The following KLHL6 variants were observed in gnomAD, a reference collection of about 807,000 sequenced individuals.
KLHL6 encodes kelch-like protein 6.
In KLHL6, 41 loss-of-function variants were observed where a neutral mutation model predicts 58.6. That is an observed-to-expected ratio of 0.70 (90% CI 0.55 to 0.91). KLHL6 has a LOEUF of 0.91. Ranked by LOEUF, KLHL6 falls within the 40% of genes least tolerant of loss-of-function variation. The probability of loss-of-function intolerance (pLI) is 0.00; values close to 1 mark genes in which losing one functional copy is unlikely to be tolerated. For synonymous variants in KLHL6, 338 were observed against 322.7 expected, an observed-to-expected ratio of 1.05 and a Z score of -0.51; for missense variants, 714 against 805.6, an observed-to-expected ratio of 0.89 and a Z score of 1.38.
At chr3:183,504,088 C>A (rs1425178145) in intron 3 of KLHL6, among the ~76,000 whole-genome samples, 1 of 152,116 alleles carries the variant, frequency 6.6e-6, no homozygotes, top group African/African-American at 2.4e-5. Context: ...CCACAAAAAC[C>A]TGAGACACAG....
rs74359933 is a variant in KLHL6, at chr3:183,549,492, C to G, written c.293+5869G>C. Among the ~76,000 whole-genome samples, 7 of 152,278 alleles carry G rather than the reference C, an allele frequency of 4.6e-5. No individual in the cohort carries two copies. In the East Asian group the frequency reaches 1.4e-3, roughly 29 times the overall value. ...AAGTTTTTTGTAACTTATTTCATGG[C>G]TAAATCCAACTTGAATGGCACTCGT... On this transcript the variant is annotated intron_variant, in intron 1 of 6. Transcript: ENST00000341319.
At chr3:183,494,367 C>T (rs1033100883) in intron 4 of KLHL6, 86 bp from the exon 5 acceptor site, 31 of 1,123,642 alleles carry the variant, frequency 2.8e-5, no homozygotes, top group Non-Finnish European at 3.6e-5. Context: ...TCCAAAAGTG[C>T]CAGGTCCCCA....
At chr3:183,534,234 C>T (rs889099997) in intron 1 of KLHL6, among the ~76,000 whole-genome samples, 1 of 142,442 alleles carries the variant, frequency 7.0e-6, no homozygotes, top group Admixed American at 7.0e-5. Flanking sequence ...AGAATCTGCT[C>T]TCAGAGACAG....
chr3:183,492,796 G>A lies in KLHL6; in HGVS notation c.1351-89C>T. The A allele has an allele frequency of 8.2e-7, 1 of 1,218,376 alleles. No individual in the cohort carries two copies. Among genetic ancestry groups the A allele is most frequent in the Non-Finnish European group, 1.2e-6 (1 of 850,784 alleles). 75.5% of individuals were successfully genotyped at this position (1,218,376 alleles called of 1,614,324 possible). On this transcript the variant is annotated intron_variant, in intron 5 of 6. Transcript: ENST00000341319. The surrounding 1 kb of genome is among the most constrained non-coding windows in gnomAD (Gnocchi z 5.9). ...CCCAGGATACAGGACAGAGCTCCGG[G>A]ACACAGAACTGGGCATCTTTTGCCT...
At chr3:183,533,150 C>G (rs75388498) in intron 1 of KLHL6, among the ~76,000 whole-genome samples, 4 of 152,124 alleles carry the variant, frequency 2.6e-5, no homozygotes, top group Non-Finnish European at 4.4e-5. Flanking sequence ...TAATTCCAAA[C>G]GCTCGGACTT....
At chr3:183,548,378 C>T (rs539442727) in intron 1 of KLHL6, among the ~76,000 whole-genome samples, 101 of 152,290 alleles carry the variant, frequency 6.6e-4, no homozygotes, top group Non-Finnish European at 7.1e-4. Context: ...TGCCCTGTCT[C>T]ATGACTGGCC....
intron 4 of KLHL6, among the ~76,000 whole-genome samples, chr3:183,494,539 G>A (rs1280438767): frequency 6.6e-6 from 1 of 152,170 alleles, no homozygotes; most frequent in Non-Finnish European, 1.5e-5. Context: ...AGAAGAGGTG[G>A]CTAAGTGAGC....
At position 183,489,612 on chromosome 3, in the gene KLHL6, T is replaced by G. The variant is rs1179343052; in HGVS notation, c.*2315A>C. 6.6e-6 allele frequency: 1 copy of G among 152,244 alleles called. No individual in the cohort carries two copies. Among genetic ancestry groups the G allele is most frequent in the Non-Finnish European group, 1.5e-5 (1 of 68,040 alleles). The allele number at this position is 152,244 out of a possible 1,614,324, so 9.4% of individuals were successfully genotyped here. On this transcript the variant is annotated 3_prime_UTR_variant, in exon 7 of 7. Coordinates refer to ENST00000341319, the MANE Select transcript of KLHL6 (RefSeq NM_130446.4). ...AGATTACACTGTTACATTGCTTCAG[T>G]TGGGAGCTTCCTGATGGTTATTATA...
At chr3:183,493,055 C>T (rs1717618737) in intron 5 of KLHL6, 1 of 247,056 alleles carries the variant, frequency 4.0e-6, no homozygotes, top group Non-Finnish European at 7.9e-6. Context: ...TTCATGTGCT[C>T]ATCCACTCGA....
At position 183,490,681 on chromosome 3, in the gene KLHL6, T is replaced by G. The variant is rs1717521292; in HGVS notation, c.*1246A>C. On this transcript the variant is annotated 3_prime_UTR_variant, in exon 7 of 7. Coordinates refer to ENST00000341319, the MANE Select transcript of KLHL6 (RefSeq NM_130446.4). ...TTAGCCAGGCGCGGTGGCAGGTGCC[T>G]GTAATCCCAGCTACTCAGGAGGCTG... 6.6e-6 allele frequency: 1 copy of G among 151,986 alleles called. No individual in the cohort carries two copies. The highest frequency in any genetic ancestry group is 1.5e-5 in the Non-Finnish European group (1 of 68,062). The allele number at this position is 151,986 out of a possible 1,614,324, so 9.4% of individuals were successfully genotyped here.
At chr3:183,497,912 C>A (rs978763786) in intron 4 of KLHL6, among the ~76,000 whole-genome samples, 2 of 152,238 alleles carry the variant, frequency 1.3e-5, no homozygotes, top group African/African-American at 4.8e-5. Context: ...CCCTATTTTA[C>A]TTTACGTGCT....
intron 2 of KLHL6, among the ~76,000 whole-genome samples, chr3:183,509,927 T>A (rs539570175): frequency 2.0e-4 from 30 of 152,362 alleles, no homozygotes; most frequent in Admixed American, 1.6e-3. Flanking sequence ...TTTATTTATA[T>A]ATCCTTTAAA....
intron 1 of KLHL6, among the ~76,000 whole-genome samples, chr3:183,550,528 C>A (rs949803444): frequency 6.6e-6 from 1 of 152,192 alleles, no homozygotes; most frequent in Non-Finnish European, 1.5e-5. Flanking sequence ...TGGTGGGTGG[C>A]TCACAGCTGT....
In KLHL6 at chr3:183,555,441, C is replaced by T. The variant is rs1560115567; in HGVS notation, c.213G>A (p.Leu71=). The change falls in exon 1 of 7, where the codon CTG becomes CTA. Residue 71 remains leucine (L), a synonymous_variant. Transcript: ENST00000341319. ...TGTCCACACACAAGATGACATCTGTCAGAGCGTTTTCCATTCGCAGGGTTT... is the reference window on the plus strand; with the variant it reads ...TGTCCACACACAAGATGACATCTGTTAGAGCGTTTTCCATTCGCAGGGTTT... The part of the protein sequence containing the change: ...GLETLRMENA[L]TDVILCVDIQ... 1.9e-5 allele frequency: 30 copies of T among 1,614,146 alleles called. No homozygotes were observed. Among genetic ancestry groups the T allele is most frequent in the Non-Finnish European group, 2.5e-5 (30 of 1,180,010 alleles).
intron 2 of KLHL6, among the ~76,000 whole-genome samples, chr3:183,510,020 C>T (rs1193312595): frequency 6.6e-6 from 1 of 152,082 alleles, no homozygotes; most frequent in South Asian, 2.1e-4. Flanking sequence ...TAAGTTATCA[C>T]CATCCTCATA....
intron 2 of KLHL6, among the ~76,000 whole-genome samples, chr3:183,513,518 C>T (rs1577185921): frequency 6.6e-6 from 1 of 152,334 alleles, no homozygotes; most frequent in Non-Finnish European, 1.5e-5. Flanking sequence ...ACAGGAAGGA[C>T]TAGCCAACAA....
Position 183,489,037 on chromosome 3 carries a change from C to T in KLHL6, c.*2890G>A, listed in dbSNP as rs1717471949. 2 of 152,202 alleles carry T rather than the reference C, an allele frequency of 1.3e-5. No homozygotes were observed. The highest frequency in any genetic ancestry group is 4.8e-5 in the African/African-American group (2 of 41,454). 9.4% of individuals were successfully genotyped at this position (152,202 alleles called of 1,614,324 possible). A position where few individuals can be genotyped will look rare whatever the true frequency, so the allele number is the denominator to read the frequency against. Reference sequence around the variant, plus strand: ...AAGTAGTCCAGAAACTTGGGTCCTACATTTAGAATCAGGTTTATAGCACAG... The same window carrying T: ...AAGTAGTCCAGAAACTTGGGTCCTATATTTAGAATCAGGTTTATAGCACAG... On this transcript the variant is annotated 3_prime_UTR_variant, in exon 7 of 7. Coordinates refer to ENST00000341319, the MANE Select transcript of KLHL6 (RefSeq NM_130446.4).
intron 1 of KLHL6, among the ~76,000 whole-genome samples, chr3:183,540,323 G>A (rs545086301): frequency 2.2e-4 from 33 of 152,292 alleles, no homozygotes; most frequent in African/African-American, 7.7e-4. Flanking sequence ...AGAGGAAAGC[G>A]GGACTAAGAA....
At position 183,508,634 on chromosome 3, in the gene KLHL6, C is replaced by T. The variant is rs574065362; in HGVS notation, c.460-126G>A. 1.3e-3 allele frequency: 896 copies of T among 708,620 alleles called. 5 individuals carry two copies. Among genetic ancestry groups the T allele is most frequent in the South Asian group, 5.0e-3 (265 of 52,812 alleles). The allele number at this position is 708,620 out of a possible 1,614,324, so 43.9% of individuals were successfully genotyped here. A position where few individuals can be genotyped will look rare whatever the true frequency, so the allele number is the denominator to read the frequency against. On this transcript the variant is annotated intron_variant, in intron 2 of 6. Coordinates refer to ENST00000341319, the MANE Select transcript of KLHL6 (RefSeq NM_130446.4). ...TAAATGTCCAACAGTACAGGATGAG[C>T]TAAATACATATAATTCATTCATACA... is the stretch of plus-strand genomic sequence containing the variant.
Sources: allele counts gnomAD v4.1 joint callset (sites outside exome capture counted in the v4.1 genomes callset), GRCh38; gene constraint gnomAD v4.1.1; non-coding constraint Gnocchi (gnomAD v3.1); transcripts MANE v1.5; gene names NCBI Gene and HGNC (gene_info 2026-07-23, HGNC 2026-07-21).